ROBO2: variants seen among roughly 807,000 people sequenced by gnomAD.
ROBO2 encodes the protein roundabout guidance receptor 2.
In ROBO2, 53 loss-of-function variants were observed where a neutral mutation model predicts 160.8. The observed-to-expected ratio is 0.33, with a 90% CI of 0.26 to 0.41. ROBO2 has a LOEUF of 0.41. Among genes scored for constraint, ROBO2 ranks in the 10% least tolerant of loss-of-function variants. The pLI is 1.00. For synonymous variants in ROBO2, 664 were observed against 611.7 expected, an observed-to-expected ratio of 1.09 and a Z score of -1.26; for missense variants, 1,577 against 1,722.4, an observed-to-expected ratio of 0.92 and a Z score of 1.49.
At chr3:75,968,975 T>A (rs2064898623) in intron 2 of ROBO2, among the ~76,000 whole-genome samples, 1 of 150,922 alleles carries the variant, frequency 6.6e-6, no homozygotes, top group Non-Finnish European at 1.5e-5. Context: ...ATTCTACTGT[T>A]TCTATATACT....
At chr3:75,926,342 C>T (rs2106886276) in intron 1 of ROBO2, among the ~76,000 whole-genome samples, 1 of 152,190 alleles carries the variant, frequency 6.6e-6, no homozygotes, top group East Asian at 1.9e-4. Context: ...ATTTAATCAC[C>T]CAGGTATTAA....
intron 2 of ROBO2, among the ~76,000 whole-genome samples, chr3:76,201,039 AG>A (rs11294145): frequency 0.11 from 16,524 of 152,186 alleles, 1,150 homozygotes; most frequent in African/African-American, 0.2. Flanking sequence ...TATATTGAGC[AG>A]GCATTACTTT....
intron 2 of ROBO2, among the ~76,000 whole-genome samples, chr3:77,210,755 C>T (rs1400508723): frequency 1.4e-5 from 2 of 141,044 alleles, no homozygotes; most frequent in African/African-American, 2.7e-5. Flanking sequence ...CACCCCACAA[C>T]AGGCCCCAGT....
At chr3:77,486,218 A>G (rs1295290435) in intron 4 of ROBO2, among the ~76,000 whole-genome samples, 2 of 108,572 alleles carry the variant, frequency 1.8e-5, no homozygotes, top group Non-Finnish European at 4.2e-5. Context: ...TGCTATTGTG[A>G]ATAGTGCTAC....
At chr3:76,638,379 G>T (rs922590686) in intron 2 of ROBO2, among the ~76,000 whole-genome samples, 1 of 152,078 alleles carries the variant, frequency 6.6e-6, no homozygotes, top group Admixed American at 6.5e-5. Context: ...GAAAGAATTG[G>T]TGGTCAATAA....
intron 2 of ROBO2, among the ~76,000 whole-genome samples, chr3:76,463,088 G>A (rs901152781): frequency 3.9e-5 from 6 of 152,120 alleles, no homozygotes; most frequent in South Asian, 2.1e-4. Context: ...ATCTCCTACC[G>A]TGGGAATAGC....
chr3:77,279,410 T>G (rs1052639833), intron 2 of ROBO2, among the ~76,000 whole-genome samples: 26 of 152,132 alleles, frequency 1.7e-4, no homozygotes, highest in African/African-American at 6.3e-4. Flanking sequence ...AAGTTTGTAA[T>G]TAACAAATTA....
intron 2 of ROBO2, among the ~76,000 whole-genome samples, chr3:77,169,890 C>A (rs895459301): frequency 6.6e-6 from 1 of 152,124 alleles, no homozygotes; most frequent in African/African-American, 2.4e-5. Context: ...CCACTGTGGT[C>A]GTCCTGGGGT....
chr3:76,910,586 C>T (rs893181119), intron 2 of ROBO2, among the ~76,000 whole-genome samples: 30 of 151,670 alleles, frequency 2.0e-4, no homozygotes, highest in Non-Finnish European at 4.1e-4. Context: ...ATTAGCTGGG[C>T]GTGGTGGCAT....
At chr3:75,937,841 T>TTATTTATATATATA (rs1553704457) in intron 2 of ROBO2, among the ~76,000 whole-genome samples, 1 of 105,526 alleles carries the variant, frequency 9.5e-6, no homozygotes, top group East Asian at 2.9e-4. Flanking sequence ...GGAATTGATT[T>TTATTTATATATATA]TATATATATA....
intron 2 of ROBO2, among the ~76,000 whole-genome samples, chr3:76,507,905 T>A (rs2107712596): frequency 6.6e-6 from 1 of 152,260 alleles, no homozygotes; most frequent in East Asian, 1.9e-4. Flanking sequence ...TGAGGACATA[T>A]GTTTCAAACA....
chr3:76,662,252 G>A (rs1199857117), intron 2 of ROBO2, among the ~76,000 whole-genome samples: 1 of 152,106 alleles, frequency 6.6e-6, no homozygotes, highest in East Asian at 1.9e-4. Flanking sequence ...CATTTGGAAA[G>A]CTCTATTCTG....
intron 2 of ROBO2, among the ~76,000 whole-genome samples, chr3:77,116,433 T>C (rs1483950607): frequency 6.6e-6 from 1 of 152,146 alleles, no homozygotes; most frequent in Non-Finnish European, 1.5e-5. Flanking sequence ...AACTTTATCT[T>C]AGGGGCCCAG....
intron 2 of ROBO2, among the ~76,000 whole-genome samples, chr3:76,759,432 A>G (rs2061172187): frequency 6.6e-6 from 1 of 151,730 alleles, no homozygotes; most frequent in South Asian, 2.1e-4. Context: ...AATTATTACA[A>G]TGATGTGGAT....
At chr3:75,977,505 CTTAAAAATGT>C in intron 2 of ROBO2, among the ~76,000 whole-genome samples, 1 of 151,512 alleles carries the variant, frequency 6.6e-6, no homozygotes, top group African/African-American at 2.4e-5. Flanking sequence ...TTTGAAAATG[CTTAAAAATGT>C]TTTTCTGCCA....
chr3:76,357,697 T>C (rs552992389), intron 2 of ROBO2, among the ~76,000 whole-genome samples: 43 of 152,036 alleles, frequency 2.8e-4, no homozygotes, highest in African/African-American at 1.0e-3. Flanking sequence ...AACAGGATTA[T>C]GAACGAAGAT....
At chr3:77,554,409 C>A (rs1231215054) in intron 8 of ROBO2, among the ~76,000 whole-genome samples, 1 of 151,962 alleles carries the variant, frequency 6.6e-6, no homozygotes, top group Non-Finnish European at 1.5e-5. Context: ...ATAATTTCAA[C>A]TTTCAAGTCT....
intron 2 of ROBO2, among the ~76,000 whole-genome samples, chr3:76,775,044 C>T (rs191934989): frequency 6.6e-6 from 1 of 150,498 alleles, no homozygotes; most frequent in Non-Finnish European, 1.5e-5. Context: ...AAAATATATA[C>T]AGTAAAACTA....
intron 2 of ROBO2, among the ~76,000 whole-genome samples, chr3:76,742,097 T>C (rs1247326265): frequency 6.6e-6 from 1 of 152,072 alleles, no homozygotes; most frequent in African/African-American, 2.4e-5. Flanking sequence ...TTGAATACCT[T>C]CATGAGAGTA....
Sources: gnomAD v4.1 joint callset for allele counts (sites outside exome capture counted in the v4.1 genomes callset) on GRCh38, gnomAD v4.1.1 for gene constraint, MANE v1.5 for transcripts, NCBI Gene and HGNC (gene_info 2026-07-23, HGNC 2026-07-21) for gene names.